The following HEATR5A variants were observed in gnomAD, a reference collection of about 807,000 sequenced individuals.
HEATR5A encodes the protein HEAT repeat-containing protein 5A.
In HEATR5A, 178 loss-of-function variants were observed where a neutral mutation model predicts 218.8. The observed-to-expected ratio is 0.81, with a 90% CI of 0.72 to 0.92. The LOEUF is 0.92. Ranked by LOEUF, HEATR5A falls within the 40% of genes least tolerant of loss-of-function variation. The pLI is 0.00. For missense variants in HEATR5A, 2,420 were observed against 2,418.9 expected, an observed-to-expected ratio of 1.00 and a Z score of -0.01; for synonymous variants, 864 against 871.6, an observed-to-expected ratio of 0.99 and a Z score of 0.15.
At chr14:31,315,230 T>C (rs1278683714) in intron 27 of HEATR5A, among the ~76,000 whole-genome samples, 1 of 152,148 alleles carries the variant, frequency 6.6e-6, no homozygotes, top group Non-Finnish European at 1.5e-5. Flanking sequence ...TGAAGCCAGG[T>C]GATGGGTATA....
intron 3 of HEATR5A, among the ~76,000 whole-genome samples, chr14:31,399,382 GA>G (rs1217382606): frequency 6.6e-6 from 1 of 152,066 alleles, no homozygotes; most frequent in Non-Finnish European, 1.5e-5. Context: ...TATTTCAACA[GA>G]ACTCAGCTAC....
chr14:31,374,012 C>T (rs982604212), intron 12 of HEATR5A, among the ~76,000 whole-genome samples: 6 of 151,962 alleles, frequency 3.9e-5, no homozygotes, highest in Admixed American at 3.3e-4. Flanking sequence ...ATACAACATA[C>T]AAAATATGTG....
At chr14:31,360,361 T>C (rs982849571) in intron 14 of HEATR5A, among the ~76,000 whole-genome samples, 3 of 152,162 alleles carry the variant, frequency 2.0e-5, no homozygotes, top group Non-Finnish European at 4.4e-5. Flanking sequence ...AAAAATAAAT[T>C]GGTAGTTGTA....
At chr14:31,322,951 G>A (rs1900157741) in intron 24 of HEATR5A, among the ~76,000 whole-genome samples, 1 of 151,584 alleles carries the variant, frequency 6.6e-6, no homozygotes, top group African/African-American at 2.4e-5. Flanking sequence ...AACAGTAAGA[G>A]GTGGTCAAAA....
At chr14:31,340,779 A>G (rs1900814682) in intron 21 of HEATR5A, among the ~76,000 whole-genome samples, 3 of 149,384 alleles carry the variant, frequency 2.0e-5, no homozygotes, top group African/African-American at 7.3e-5. Context: ...ATCAAACCCA[A>G]TCAAGTAGAC....
chr14:31,398,825 T>C (rs12882029), intron 3 of HEATR5A, 44 bp from the exon 4 acceptor site: 55,692 of 1,107,306 alleles, frequency 0.05, 1,885 homozygotes, highest in Non-Finnish European at 0.061. Context: ...GCTGAAAAAA[T>C]AGGAATAAAA....
intron 22 of HEATR5A, among the ~76,000 whole-genome samples, chr14:31,336,553 T>C (rs1246809307): frequency 2.0e-5 from 3 of 150,540 alleles, no homozygotes; most frequent in Non-Finnish European, 3.0e-5. Context: ...AGGTTATTCA[T>C]ATCATAGTTT....
intron 2 of HEATR5A, among the ~76,000 whole-genome samples, chr14:31,402,532 T>C (rs1292725039): frequency 3.9e-5 from 6 of 152,236 alleles, no homozygotes; most frequent in African/African-American, 1.4e-4. Flanking sequence ...GGGCTTTATG[T>C]ACACGGAGGA....
intron 1 of HEATR5A, among the ~76,000 whole-genome samples, chr14:31,406,212 A>C (rs2031055137): frequency 6.6e-6 from 1 of 152,208 alleles, no homozygotes; most frequent in African/African-American, 2.4e-5. Flanking sequence ...TTATTTTTCT[A>C]ATTTTTCTCT....
intron 23 of HEATR5A, among the ~76,000 whole-genome samples, chr14:31,324,484 A>T (rs1900202441): frequency 6.6e-6 from 1 of 152,180 alleles, no homozygotes. Context: ...AGAATACCAA[A>T]CATGTCACAA....
At chr14:31,372,319 AGT>A (rs1285365678) in intron 12 of HEATR5A, among the ~76,000 whole-genome samples, 2 of 152,092 alleles carry the variant, frequency 1.3e-5, no homozygotes, top group African/African-American at 4.8e-5. Context: ...TGAAACAAAT[AGT>A]GTGTGCTACC....
rs148913463 is a variant in HEATR5A at position 31,320,269 on chromosome 14, C to T, written c.3969+1230G>A. 3,467 of 708,134 alleles carry T rather than the reference C, an allele frequency of 4.9e-3. 83 individuals carry two copies. In the African/African-American group the frequency reaches 0.054, roughly 11 times the overall value. The allele number at this position is 708,134 out of a possible 1,614,324, so 43.9% of individuals were successfully genotyped here. ...AGAAGGAGATCATCAAACAGAAGAGCCCCATGGCCTCAGACAGGGCAAAGC... is the reference window on the plus strand; with the variant it reads ...AGAAGGAGATCATCAAACAGAAGAGTCCCATGGCCTCAGACAGGGCAAAGC... On this transcript the variant is annotated intron_variant, in intron 25 of 35. Coordinates refer to ENST00000543095, the MANE Select transcript of HEATR5A (RefSeq NM_015473.4).
At chr14:31,328,437 A>AT (rs1395596144) in intron 22 of HEATR5A, among the ~76,000 whole-genome samples, 1 of 152,146 alleles carries the variant, frequency 6.6e-6, no homozygotes, top group Non-Finnish European at 1.5e-5. Context: ...CATAAAGGAC[A>AT]TTTTTTGGAT....
At position 31,306,695 on chromosome 14, in the gene HEATR5A, C is replaced by A. The variant is rs777191923; in HGVS notation, c.4966+37G>T. 2.6e-6 allele frequency: 4 copies of A among 1,565,764 alleles called. No homozygotes were observed. In the Admixed American group the frequency reaches 7.5e-5, roughly 29 times the overall value. The stretch of plus-strand genomic sequence containing the variant: ...AATAATACTTTACAAAAGAATGATG[C>A]TATTTGATCAACTCGGCATTAAAGG... On this transcript the variant is annotated intron_variant, in intron 31 of 35. Transcript: ENST00000543095.
intron 6 of HEATR5A, among the ~76,000 whole-genome samples, chr14:31,393,336 C>A (rs1049017659): frequency 2.0e-5 from 3 of 152,112 alleles, no homozygotes; most frequent in African/African-American, 7.2e-5. Flanking sequence ...ATGGTGAAAT[C>A]CCATCTCCAC....
Position 31,411,898 on chromosome 14 carries a change from C to T in HEATR5A, c.-75+8574G>A, listed in dbSNP as rs2031286690. Among the ~76,000 whole-genome samples, 5 of 151,890 alleles carry T rather than the reference C, an allele frequency of 3.3e-5. No homozygotes were observed. In the South Asian group the frequency reaches 1.0e-3, roughly 32 times the overall value. On this transcript the variant is annotated intron_variant, in intron 1 of 35. Coordinates refer to ENST00000543095, the MANE Select transcript of HEATR5A (RefSeq NM_015473.4). ...TTTAAGACAGTCTCGTTCTCTTGCC[C>T]AGGCTAGAGTGCAGTGGTGTAATCT...
chr14:31,410,712 C>T (rs540009793), intron 1 of HEATR5A, among the ~76,000 whole-genome samples: 2 of 152,238 alleles, frequency 1.3e-5, no homozygotes, highest in Admixed American at 6.5e-5. Context: ...ACAGTTAAAA[C>T]TTGATAATTT....
chr14:31,345,429 T>G (rs1308722016), intron 19 of HEATR5A, among the ~76,000 whole-genome samples, 153 bp from the exon 20 acceptor site: 1 of 152,228 alleles, frequency 6.6e-6, no homozygotes. Flanking sequence ...GACTTCCAAC[T>G]CAGAGGCAAT....
At chr14:31,353,465 G>A (rs913411297) in intron 16 of HEATR5A, among the ~76,000 whole-genome samples, 2 of 151,986 alleles carry the variant, frequency 1.3e-5, no homozygotes, top group African/African-American at 2.4e-5. Flanking sequence ...AATTTTTCTG[G>A]TGGCTCACGC....
Sources: allele counts gnomAD v4.1 joint callset (sites outside exome capture counted in the v4.1 genomes callset), GRCh38; gene constraint gnomAD v4.1.1; transcripts MANE v1.5; gene names NCBI Gene and HGNC (gene_info 2026-07-23, HGNC 2026-07-21).